Variants in CTNND2 observed in about 807,000 individuals in gnomAD.
The protein encoded by CTNND2 is catenin delta 2, also known as catenin delta-2.
A neutral mutation model predicts 144.4 loss-of-function variants in CTNND2; 22 were observed. The observed-to-expected ratio is 0.15, with a 90% CI of 0.11 to 0.22. The LOEUF is 0.22. Among genes scored for constraint, CTNND2 ranks in the 10% least tolerant of loss-of-function variants. The probability of loss-of-function intolerance (pLI) is 1.00; values close to 1 mark genes in which losing one functional copy is unlikely to be tolerated. For missense variants in CTNND2, 1,353 were observed against 1,618.8 expected, an observed-to-expected ratio of 0.84 and a Z score of 2.82; for synonymous variants, 751 against 695.6, an observed-to-expected ratio of 1.08 and a Z score of -1.25.
chr5:11,691,054 AAAT>A, intron 2 of CTNND2, among the ~76,000 whole-genome samples: 1 of 152,112 alleles, frequency 6.6e-6, no homozygotes, highest in East Asian at 1.9e-4. Flanking sequence ...AAGAACAAAA[AAAT>A]GTGAATAATG....
chr5:11,730,543 T>C (rs538230417), intron 2 of CTNND2, among the ~76,000 whole-genome samples: 2 of 152,342 alleles, frequency 1.3e-5, no homozygotes, highest in South Asian at 4.1e-4. Context: ...GTAAGATTGG[T>C]AAGATAAAAT....
intron 3 of CTNND2, among the ~76,000 whole-genome samples, chr5:11,505,397 C>T (rs773661339): frequency 5.3e-5 from 8 of 152,288 alleles, no homozygotes; most frequent in Admixed American, 6.5e-5. Flanking sequence ...CAGCAAAATG[C>T]TGGTAAATAA....
rs542987027 is a variant in CTNND2 at position 11,774,328 on chromosome 5, T to C, written c.38-42056A>G. On this transcript the variant is annotated intron_variant, in intron 1 of 21. Transcript: ENST00000304623. ...GCTGCATAGTATTCCATGGTGTATA[T>C]GTGCCACATTTTCTTAATCCATGAG... 6.2e-5 allele frequency among the ~76,000 whole-genome samples: 9 copies of C among 144,866 alleles called. No individual in the cohort carries two copies. The South Asian group carries it at 1.5e-3, about 25-fold the overall frequency.
intron 7 of CTNND2, among the ~76,000 whole-genome samples, chr5:11,370,205 T>C (rs1475223113): frequency 4.6e-5 from 7 of 151,816 alleles, no homozygotes; most frequent in African/African-American, 1.7e-4. Flanking sequence ...TCAATTTTCA[T>C]TCCTTAGAAT....
chr5:11,549,934 A>G (rs1191727618), intron 3 of CTNND2, among the ~76,000 whole-genome samples: 2 of 152,240 alleles, frequency 1.3e-5, no homozygotes, highest in Non-Finnish European at 2.9e-5. Context: ...AATAAAAGAA[A>G]GAAGGAAAGC....
At chr5:11,726,027 G>A (rs1160705254) in intron 2 of CTNND2, among the ~76,000 whole-genome samples, 3 of 152,126 alleles carry the variant, frequency 2.0e-5, no homozygotes, top group East Asian at 1.9e-4. Context: ...TTGTTGGCCT[G>A]CCAGTGGCCC....
intron 7 of CTNND2, among the ~76,000 whole-genome samples, chr5:11,378,497 TG>T (rs1258461858): frequency 3.9e-5 from 6 of 152,224 alleles, no homozygotes; most frequent in Admixed American, 3.9e-4. Context: ...AATTAGTAAA[TG>T]TACACTGGAA....
At chr5:11,240,741 CCCAACACACACACAT>C (rs1742297919) in intron 9 of CTNND2, among the ~76,000 whole-genome samples, 1 of 148,270 alleles carries the variant, frequency 6.7e-6, no homozygotes. Flanking sequence ...CACACACACA[CCCAACACACACACAT>C]CCAACAGACA....
At chr5:11,404,602 CTTTTTTTTTTTTTTTT>C (rs555388304) in intron 5 of CTNND2, among the ~76,000 whole-genome samples, 6,951 of 57,790 alleles carry the variant, frequency 0.12, 686 homozygotes, top group East Asian at 0.32. Context: ...TATCTGTATT[CTTTTTTTTTTTTTTTT>C]TTTTTTTTTT....
chr5:11,477,850 G>T (rs1388144091), intron 3 of CTNND2, among the ~76,000 whole-genome samples: 4 of 152,188 alleles, frequency 2.6e-5, no homozygotes, highest in Admixed American at 2.0e-4. Flanking sequence ...GTAAAGAAGA[G>T]AATGTTGTTA....
chr5:11,064,025 C>T (rs1747285847), intron 16 of CTNND2, among the ~76,000 whole-genome samples: 1 of 152,050 alleles, frequency 6.6e-6, no homozygotes, highest in South Asian at 2.1e-4. Flanking sequence ...AAGGAGATTA[C>T]CAGCATGGGT....
At chr5:11,078,164 G>A (rs1165399778) in intron 16 of CTNND2, among the ~76,000 whole-genome samples, 1 of 152,196 alleles carries the variant, frequency 6.6e-6, no homozygotes, top group Non-Finnish European at 1.5e-5. Flanking sequence ...AGAGGTGATG[G>A]AGAGGAGAGG....
At chr5:11,846,013 C>T (rs1156778265) in intron 1 of CTNND2, among the ~76,000 whole-genome samples, 1 of 152,048 alleles carries the variant, frequency 6.6e-6, no homozygotes, top group Non-Finnish European at 1.5e-5. Context: ...ATTATGGCCA[C>T]AAACCATAAT....
chr5:11,824,220 G>C (rs1337367885), intron 1 of CTNND2, among the ~76,000 whole-genome samples: 1 of 152,000 alleles, frequency 6.6e-6, no homozygotes, highest in South Asian at 2.1e-4. Context: ...TAAACTAAGT[G>C]AGTTATACAT....
chr5:11,587,936 A>T (rs1479132905), intron 2 of CTNND2, among the ~76,000 whole-genome samples: 1 of 151,816 alleles, frequency 6.6e-6, no homozygotes, highest in Non-Finnish European at 1.5e-5. Context: ...TTTTAACTAC[A>T]GTGGTGGCAC....
chr5:10,981,693 A>G (rs1230112194), intron 21 of CTNND2, 80 bp downstream of exon 21: 2 of 1,360,874 alleles, frequency 1.5e-6, no homozygotes, highest in Non-Finnish European at 2.1e-6. Flanking sequence ...ATGTTGGATG[A>G]AAGTTTATGT....
At chr5:11,533,523 T>G (rs1057469268) in intron 3 of CTNND2, among the ~76,000 whole-genome samples, 1 of 152,186 alleles carries the variant, frequency 6.6e-6, no homozygotes, top group Non-Finnish European at 1.5e-5. Context: ...AGGTCCAGTG[T>G]GAGCCAGCAG....
At chr5:11,748,992 T>C (rs1458494417) in intron 1 of CTNND2, among the ~76,000 whole-genome samples, 1 of 152,004 alleles carries the variant, frequency 6.6e-6, no homozygotes, top group Non-Finnish European at 1.5e-5. Context: ...GAAGTCAGCT[T>C]CCAGGTAGAC....
chr5:11,590,550 C>G (rs968776031), intron 2 of CTNND2, among the ~76,000 whole-genome samples: 1 of 151,970 alleles, frequency 6.6e-6, no homozygotes, highest in Non-Finnish European at 1.5e-5. Flanking sequence ...GATATTCCCC[C>G]GTCCTTGTGA....
Sources: allele counts gnomAD v4.1 joint callset (sites outside exome capture counted in the v4.1 genomes callset), GRCh38; gene constraint gnomAD v4.1.1; transcripts MANE v1.5; gene names NCBI Gene and HGNC (gene_info 2026-07-23, HGNC 2026-07-21).